Variants in CCP110 observed in about 807,000 individuals in gnomAD.
CCP110 encodes the protein centriolar coiled-coil protein of 110 kDa.
CCP110 carries 43 observed loss-of-function variants against 105.5 expected under a neutral mutation model. The observed-to-expected ratio is 0.41, with a 90% confidence interval of 0.32 to 0.53. The LOEUF is 0.53. Among genes scored for constraint, CCP110 ranks in the 20% least tolerant of loss-of-function variants. The probability of loss-of-function intolerance (pLI) is 0.32; values close to 1 mark genes in which losing one functional copy is unlikely to be tolerated. For synonymous variants in CCP110, 353 were observed against 392.1 expected (o/e 0.90, Z 1.18); for missense variants, 1,016 against 1,189.1 (o/e 0.85, Z 2.14).
chr16:19,547,481 G>A (rs1597280297), intron 12 of CCP110: 2 of 154,626 alleles, frequency 1.3e-5, no homozygotes, highest in Admixed American at 6.5e-5. Flanking sequence ...GGAGGCTGAG[G>A]CAGGAGGATA....
At chr16:19,543,966 T>A (rs1016018103) in intron 8 of CCP110, among the ~76,000 whole-genome samples, 1 of 152,198 alleles carries the variant, frequency 6.6e-6, no homozygotes, top group Non-Finnish European at 1.5e-5. Flanking sequence ...CTCAGAAGCA[T>A]GTGATCTTTG....
chr16:19,528,662 G>T (rs1567347665), intron 2 of CCP110, among the ~76,000 whole-genome samples: 1 of 152,148 alleles, frequency 6.6e-6, no homozygotes, highest in Non-Finnish European at 1.5e-5. Flanking sequence ...TGAGAGACCG[G>T]AAGGAAGAGG....
At chr16:19,542,455 C>G (rs192799777) in intron 6 of CCP110, among the ~76,000 whole-genome samples, 166 bp from the exon 7 acceptor site, 214 of 152,262 alleles carry the variant, frequency 1.4e-3, no homozygotes, top group African/African-American at 5.0e-3. Flanking sequence ...TTGAAAAGAT[C>G]CACCTGGTAT....
chr16:19,536,256 A>G (rs760336340), exon 4 of CCP110: 7 of 1,613,766 alleles, frequency 4.3e-6, no homozygotes, highest in Non-Finnish European at 4.2e-6. Flanking sequence ...GCAACCCCAC[A>G]AGAAACTCTT....
At chr16:19,547,710 G>A (rs1313891257) in intron 12 of CCP110, 3 of 394,564 alleles carry the variant, frequency 7.6e-6, no homozygotes, top group Non-Finnish European at 1.4e-5. Flanking sequence ...AAAGCACAAG[G>A]GTTAGTCTAT....
Position 19,548,184 on chromosome 16 carries a change from T to C in CCP110, c.2900+170T>C. 1 of 664,218 alleles carries C rather than the reference T, an allele frequency of 1.5e-6. No homozygotes were observed. The highest frequency in any genetic ancestry group is 2.7e-6 in the Non-Finnish European group (1 of 371,200). The allele number at this position is 664,218 out of a possible 1,614,324, so 41.1% of individuals were successfully genotyped here. A position where few individuals can be genotyped will look rare whatever the true frequency, so the allele number is the denominator to read the frequency against. On this transcript the variant is annotated intron_variant, in intron 13 of 14. Coordinates refer to ENST00000381396, the Ensembl canonical transcript of CCP110. This position sits in a 1 kb window ranked among gnomAD's most constrained non-coding sequence, Gnocchi z 4.1. ...AAAGTTTTGTCTTCAAATGTAACCC[T>C]CTTGGTGTACTGTTGTGTATTCTAA...
exon 6 of CCP110, chr16:19,541,979 A>T: frequency 6.2e-7 from 1 of 1,612,540 alleles, no homozygotes; most frequent in Non-Finnish European, 8.5e-7. Context: ...TGGAATTAGA[A>T]TGGAGAAAAA....
At chr16:19,541,041 G>T (rs1238863885) in intron 5 of CCP110, among the ~76,000 whole-genome samples, 1 of 152,026 alleles carries the variant, frequency 6.6e-6, no homozygotes, top group Non-Finnish European at 1.5e-5. Context: ...TTTTAAAAAG[G>T]TATTTTATAA....
At chr16:19,546,137 AAC>A (rs1970450256) in intron 11 of CCP110, 1 of 523,658 alleles carries the variant, frequency 1.9e-6, no homozygotes, top group Non-Finnish European at 3.3e-6. Context: ...TAATCTTAAA[AAC>A]AGTTAATCTT....
At chr16:19,552,916 A>C (rs947742926) in exon 15 of CCP110, 2 of 152,210 alleles carry the variant, frequency 1.3e-5, no homozygotes, top group African/African-American at 4.8e-5. Flanking sequence ...AGATGGTCAA[A>C]AAAAGTCCAA....
chr16:19,532,743 G>A (rs765564075), intron 3 of CCP110, among the ~76,000 whole-genome samples, 199 bp downstream of exon 3: 1 of 152,170 alleles, frequency 6.6e-6, no homozygotes, highest in Non-Finnish European at 1.5e-5. Flanking sequence ...CCCAGTACTT[G>A]AATCAGAGGA....
chr16:19,545,941 T>G (rs1312211628), intron 11 of CCP110, 51 bp downstream of exon 11: 14 of 1,054,008 alleles, frequency 1.3e-5, no homozygotes, highest in Non-Finnish European at 1.9e-5. Flanking sequence ...TTAATTTTAG[T>G]CATCTGTTGG....
At chr16:19,532,365 T>C in intron 2 of CCP110, 51 bp from the exon 3 acceptor site, 1 of 1,486,898 alleles carries the variant, frequency 6.7e-7, no homozygotes, top group Non-Finnish European at 9.1e-7. Context: ...CTTCCCGATT[T>C]TATGATATTT....
At chr16:19,539,245 T>G (rs1970191851) in intron 4 of CCP110, among the ~76,000 whole-genome samples, 1 of 152,138 alleles carries the variant, frequency 6.6e-6, no homozygotes, top group Non-Finnish European at 1.5e-5. Context: ...TTGTTGTCAT[T>G]GTTGATAATT....
At chr16:19,543,747 C>T (rs896918826) in intron 8 of CCP110, among the ~76,000 whole-genome samples, 12 of 152,108 alleles carry the variant, frequency 7.9e-5, no homozygotes, top group Non-Finnish European at 1.0e-4. Context: ...CTGTCTTATG[C>T]GGTTGAGATA....
chr16:19,546,197 C>A (rs944322333), intron 11 of CCP110: 2 of 515,276 alleles, frequency 3.9e-6, no homozygotes, highest in African/African-American at 2.0e-5. Flanking sequence ...CTAAAGGTTT[C>A]TTGGGAATAA....
At chr16:19,531,322 T>A (rs1470544220) in intron 2 of CCP110, among the ~76,000 whole-genome samples, 1 of 152,210 alleles carries the variant, frequency 6.6e-6, no homozygotes, top group Non-Finnish European at 1.5e-5. Flanking sequence ...TAGGTGAATA[T>A]TGCAACTTTT....
chr16:19,548,261 C>T lies in CCP110; in HGVS notation c.2900+247C>T. The stretch of plus-strand genomic sequence containing the variant: ...ACTTTTCATTTCATACCATTTTACT[C>T]ATAAAGTATTTTAAATATCCATATA... On this transcript the variant is annotated intron_variant, in intron 13 of 14. Coordinates refer to ENST00000381396, the Ensembl canonical transcript of CCP110. The surrounding 1 kb of genome is among the most constrained non-coding windows in gnomAD (Gnocchi z 4.1). 1 of 575,212 alleles carries T rather than the reference C, an allele frequency of 1.7e-6. No individual in the cohort carries two copies. The highest frequency in any genetic ancestry group is 3.3e-5 in the Admixed American group (1 of 29,876). 35.6% of individuals were successfully genotyped at this position (575,212 alleles called of 1,614,324 possible). A position where few individuals can be genotyped will look rare whatever the true frequency, so the allele number is the denominator to read the frequency against.
exon 4 of CCP110, chr16:19,536,978 T>C (rs778493534): frequency 6.2e-7 from 1 of 1,614,236 alleles, no homozygotes; most frequent in Non-Finnish European, 8.5e-7. Context: ...GGGAGTTTGT[T>C]CAAGCAAGGT....
Sources: gnomAD v4.1 joint callset for allele counts (sites outside exome capture counted in the v4.1 genomes callset) on GRCh38, gnomAD v4.1.1 for gene constraint, Gnocchi (gnomAD v3.1) non-coding constraint, MANE v1.5 for transcripts, NCBI Gene and HGNC (gene_info 2026-07-23, HGNC 2026-07-21) for gene names.